C14orf132: variants seen among roughly 807,000 people sequenced by gnomAD.
The protein encoded by C14orf132 is chromosome 14 open reading frame 132.
C14orf132 carries 6 observed loss-of-function variants against 5.8 expected under a neutral mutation model. The observed-to-expected ratio is 1.03, with a 90% CI of 0.57 to 2.04. The LOEUF (loss-of-function observed/expected upper bound fraction) is 2.04. C14orf132 is among the 30% of genes most tolerant of loss of function. The pLI is 0.00. For synonymous variants in C14orf132, 51 were observed against 49.8 expected, an observed-to-expected ratio of 1.02 and a Z score of -0.10; for missense variants, 125 against 115.8, an observed-to-expected ratio of 1.08 and a Z score of -0.37.
chr14:96,065,881 T>C (rs1887515235), intron 1 of C14orf132, among the ~76,000 whole-genome samples: 1 of 152,206 alleles, frequency 6.6e-6, no homozygotes, highest in South Asian at 2.1e-4. Flanking sequence ...ATCGAGTTAA[T>C]TGGGGTAGAA....
intron 1 of C14orf132, among the ~76,000 whole-genome samples, chr14:96,048,199 A>G (rs1595168081): frequency 6.6e-6 from 1 of 152,082 alleles, no homozygotes; most frequent in African/African-American, 2.4e-5. Context: ...AAAAACAAAA[A>G]CAAAACACTC....
intron 1 of C14orf132, among the ~76,000 whole-genome samples, chr14:96,085,794 G>C (rs1888163117): frequency 6.6e-6 from 1 of 152,140 alleles, no homozygotes; most frequent in South Asian, 2.1e-4. Flanking sequence ...ATTTATCATA[G>C]GAAAAGTGGA....
chr14:96,066,269 C>T (rs1887524954), intron 1 of C14orf132, among the ~76,000 whole-genome samples: 1 of 152,226 alleles, frequency 6.6e-6, no homozygotes, highest in Admixed American at 6.5e-5. Context: ...ACCACACCAT[C>T]TGAGCCTTTC....
intron 1 of C14orf132, among the ~76,000 whole-genome samples, chr14:96,078,825 G>A (rs550220225): frequency 1.3e-5 from 2 of 152,228 alleles, no homozygotes; most frequent in East Asian, 3.9e-4. Flanking sequence ...GTGCCATTAA[G>A]AGCCCAGCCT....
chr14:96,043,900 G>A (rs1886762738), intron 1 of C14orf132, among the ~76,000 whole-genome samples: 1 of 152,212 alleles, frequency 6.6e-6, no homozygotes, highest in Non-Finnish European at 1.5e-5. Flanking sequence ...CTCTCTCCAG[G>A]CCACACCTGC....
At chr14:96,063,327 G>A (rs1443972373) in intron 1 of C14orf132, among the ~76,000 whole-genome samples, 1 of 151,996 alleles carries the variant, frequency 6.6e-6, no homozygotes, top group African/African-American at 2.4e-5. Context: ...TTTGTTTTTT[G>A]AGACAGAGTC....
chr14:96,070,500 G>A (rs1324571640), intron 1 of C14orf132, among the ~76,000 whole-genome samples: 1 of 152,040 alleles, frequency 6.6e-6, no homozygotes, highest in Non-Finnish European at 1.5e-5. Context: ...TAGGGAGGAG[G>A]AGACACTTGA....
chr14:96,074,038 A>G (rs914351691), intron 1 of C14orf132, among the ~76,000 whole-genome samples: 2 of 152,166 alleles, frequency 1.3e-5, no homozygotes, highest in African/African-American at 4.8e-5. Context: ...GAAGGGTGGG[A>G]AGAGGGAGAG....
chr14:96,049,536 A>G (rs1226591863), intron 1 of C14orf132, among the ~76,000 whole-genome samples: 4 of 142,262 alleles, frequency 2.8e-5, no homozygotes, highest in African/African-American at 1.0e-4. Flanking sequence ...ACACATATAT[A>G]CATACGTATA....
intron 1 of C14orf132, among the ~76,000 whole-genome samples, chr14:96,043,665 A>G (rs968521445): frequency 2.0e-5 from 3 of 152,146 alleles, no homozygotes; most frequent in African/African-American, 7.2e-5. Context: ...CCAGTGGTCA[A>G]TGAAGGGTGA....
intron 1 of C14orf132, among the ~76,000 whole-genome samples, chr14:96,075,627 T>A (rs756627540): frequency 3.3e-5 from 5 of 152,242 alleles, no homozygotes; most frequent in African/African-American, 7.2e-5. Flanking sequence ...CTAAGAGTTT[T>A]AAATCATGAG....
intron 1 of C14orf132, among the ~76,000 whole-genome samples, chr14:96,048,962 T>C (rs1886916523): frequency 6.6e-6 from 1 of 152,246 alleles, no homozygotes; most frequent in Non-Finnish European, 1.5e-5. Context: ...TCTCGCTCTG[T>C]CATCCAGGCT....
At chr14:96,065,390 T>C (rs1887501222) in intron 1 of C14orf132, among the ~76,000 whole-genome samples, 1 of 152,274 alleles carries the variant, frequency 6.6e-6, no homozygotes, top group East Asian at 1.9e-4. Context: ...TTTTGCCATA[T>C]AGAGGAGAGG....
chr14:96,063,773 A>G (rs1193813526), intron 1 of C14orf132, among the ~76,000 whole-genome samples: 1 of 152,230 alleles, frequency 6.6e-6, no homozygotes, highest in African/African-American at 2.4e-5. Flanking sequence ...CAGTCAGCAG[A>G]GTAAACAGAC....
intron 1 of C14orf132, among the ~76,000 whole-genome samples, chr14:96,065,692 C>A (rs73343421): frequency 0.022 from 3,396 of 151,736 alleles, 135 homozygotes; most frequent in African/African-American, 0.078. Context: ...AGTAAAAGGT[C>A]TGTTCAGCCA....
chr14:96,047,730 T>C (rs543370025), intron 1 of C14orf132, among the ~76,000 whole-genome samples: 16 of 152,170 alleles, frequency 1.1e-4, no homozygotes, highest in Non-Finnish European at 1.9e-4. Flanking sequence ...TTTTAAGAAC[T>C]TTTTTAAAGA....
chr14:96,049,091 A>G (rs1886920501), intron 1 of C14orf132, among the ~76,000 whole-genome samples: 2 of 151,614 alleles, frequency 1.3e-5, no homozygotes, highest in South Asian at 4.2e-4. Flanking sequence ...TATCCAGCTA[A>G]TTTTTTGTAT....
In C14orf132 at chr14:96,093,443, A is replaced by T. The variant is rs2054715534; in HGVS notation, c.*6708A>T. On this transcript the variant is annotated 3_prime_UTR_variant, in exon 2 of 2. Coordinates refer to ENST00000555004, the MANE Select transcript of C14orf132 (RefSeq NM_001252507.3). ...AAATCTGCATCTTCTCTTATTTCTG[A>T]CCTTTTTCCACGTGCCCAGTCCTAT... 6.6e-6 allele frequency: 1 copy of T among 152,084 alleles called. No individual in the cohort carries two copies. Among genetic ancestry groups the T allele is most frequent in the Non-Finnish European group, 1.5e-5 (1 of 68,018 alleles). The allele number at this position is 152,084 out of a possible 1,614,324, so 9.4% of individuals were successfully genotyped here.
At chr14:96,083,870 G>A (rs1888102657) in intron 1 of C14orf132, among the ~76,000 whole-genome samples, 1 of 152,196 alleles carries the variant, frequency 6.6e-6, no homozygotes, top group Admixed American at 6.5e-5. Flanking sequence ...GAAGGGAGGG[G>A]TGCAGAGGCT....
Sources: gnomAD v4.1 joint callset for allele counts (sites outside exome capture counted in the v4.1 genomes callset) on GRCh38, gnomAD v4.1.1 for gene constraint, MANE v1.5 for transcripts, NCBI Gene and HGNC (gene_info 2026-07-23, HGNC 2026-07-21) for gene names.